PDE10A: variants seen among roughly 807,000 people sequenced by gnomAD.
PDE10A encodes the protein cAMP and cAMP-inhibited cGMP 3',5'-cyclic phosphodiesterase 10A.
In PDE10A, 39 loss-of-function variants were observed where a neutral mutation model predicts 97.7. The ratio of observed to expected loss-of-function variants is 0.40; its 90% confidence interval spans 0.31 to 0.52. The LOEUF (loss-of-function observed/expected upper bound fraction) is 0.52, where lower values mean the gene tolerates loss of function less well. PDE10A is among the 20% of genes least tolerant of loss of function. The pLI is 0.56. For missense variants in PDE10A, 731 were observed against 1,047.8 expected (o/e 0.70, Z 4.17); for synonymous variants, 371 against 376.8 (o/e 0.98, Z 0.18).
chr6:165,573,912 G>T (rs553080322), intron 1 of PDE10A, among the ~76,000 whole-genome samples: 3 of 152,326 alleles, frequency 2.0e-5, no homozygotes, highest in African/African-American at 7.2e-5. Context: ...GCCCAGTAGG[G>T]ACCCCTGGCT....
At chr6:165,824,336 C>T (rs951968417) in intron 1 of PDE10A, among the ~76,000 whole-genome samples, 1 of 152,112 alleles carries the variant, frequency 6.6e-6, no homozygotes, top group Admixed American at 6.5e-5. Flanking sequence ...AAGTTCAATC[C>T]CCAAATATCA....
intron 1 of PDE10A, among the ~76,000 whole-genome samples, chr6:165,942,193 CG>C (rs1783544942): frequency 6.6e-6 from 1 of 152,104 alleles, no homozygotes; most frequent in South Asian, 2.1e-4. Flanking sequence ...CCAACAGCCA[CG>C]CTGAGCAGCC....
upstream of PDE10A, among the ~76,000 whole-genome samples, chr6:165,664,528 G>A (rs1353104908): frequency 2.0e-5 from 3 of 152,154 alleles, no homozygotes; most frequent in Non-Finnish European, 4.4e-5. Context: ...CACTAGGTCA[G>A]AATCCCTACA....
At chr6:165,656,191 A>AT (rs141913660) in intron 1 of PDE10A, among the ~76,000 whole-genome samples, 2,075 of 150,316 alleles carry the variant, frequency 0.014, 25 homozygotes, top group Non-Finnish European at 0.021. Flanking sequence ...TCCCATTCTG[A>AT]TATCTCTTTT....
rs180925761 is a variant in PDE10A at position 165,399,875 on chromosome 6, G to T, written c.2077-3416C>A. 2.6e-5 allele frequency among the ~76,000 whole-genome samples: 4 copies of T among 152,212 alleles called. No homozygotes were observed. In the East Asian group the frequency reaches 5.8e-4, roughly 22 times the overall value. On this transcript the variant is annotated intron_variant, in intron 13 of 21. Coordinates refer to ENST00000539869, the MANE Select transcript of PDE10A (RefSeq NM_001385079.1). Reference sequence around the variant, plus strand: ...AGTCTCTGCTATTGTTAATAGTGCCGCAATAAACATACATGTGCATGTGTC... The same window carrying T: ...AGTCTCTGCTATTGTTAATAGTGCCTCAATAAACATACATGTGCATGTGTC...
chr6:165,741,690 T>A (rs913178915), intron 1 of PDE10A, among the ~76,000 whole-genome samples: 1 of 152,204 alleles, frequency 6.6e-6, no homozygotes, highest in African/African-American at 2.4e-5. Flanking sequence ...TAGTAAATTT[T>A]AAAATATGCA....
chr6:165,678,740 GT>G (rs1790895226), intron 1 of PDE10A, among the ~76,000 whole-genome samples: 1 of 152,070 alleles, frequency 6.6e-6, no homozygotes. Context: ...GTACTAACAA[GT>G]TTTGTGCATT....
At chr6:165,358,173 C>T (rs1329302865) in intron 18 of PDE10A, among the ~76,000 whole-genome samples, 1 of 152,052 alleles carries the variant, frequency 6.6e-6, no homozygotes, top group East Asian at 1.9e-4. Context: ...TAAAATAATA[C>T]TCCTAAGACT....
intron 13 of PDE10A, among the ~76,000 whole-genome samples, chr6:165,403,815 A>C (rs1387620593): frequency 6.6e-6 from 1 of 152,180 alleles, no homozygotes; most frequent in Non-Finnish European, 1.5e-5. Context: ...TAAGTGAGTC[A>C]GACGTGTGAT....
chr6:165,793,277 A>G (rs2128463981), intron 1 of PDE10A, among the ~76,000 whole-genome samples: 1 of 152,118 alleles, frequency 6.6e-6, no homozygotes, highest in South Asian at 2.1e-4. Flanking sequence ...TTGTATCTTA[A>G]TTGTAAGAAG....
At chr6:165,416,670 C>G (rs1788338135) in intron 11 of PDE10A, among the ~76,000 whole-genome samples, 1 of 152,158 alleles carries the variant, frequency 6.6e-6, no homozygotes, top group Non-Finnish European at 1.5e-5. Context: ...AATTTGCCAA[C>G]ATTCATAAAA....
At chr6:165,730,887 T>C (rs1792417263) in intron 1 of PDE10A, among the ~76,000 whole-genome samples, 2 of 149,146 alleles carry the variant, frequency 1.3e-5, no homozygotes, top group South Asian at 4.2e-4. Context: ...CGACTAAAAA[T>C]ACAAAAAAAT....
chr6:165,403,216 G>C (rs1016711021), intron 13 of PDE10A, among the ~76,000 whole-genome samples: 1 of 152,206 alleles, frequency 6.6e-6, no homozygotes, highest in Non-Finnish European at 1.5e-5. Flanking sequence ...ATGGGTATCA[G>C]CACTGTGTTG....
chr6:165,839,182 C>T (rs1780146516), intron 1 of PDE10A, among the ~76,000 whole-genome samples: 1 of 152,220 alleles, frequency 6.6e-6, no homozygotes, highest in South Asian at 2.1e-4. Flanking sequence ...CCACCTTCCT[C>T]ACAAGGGTGT....
chr6:165,901,724 C>T (rs989546544), intron 1 of PDE10A, among the ~76,000 whole-genome samples: 1 of 152,098 alleles, frequency 6.6e-6, no homozygotes, highest in Non-Finnish European at 1.5e-5. Flanking sequence ...ATCACTTGAA[C>T]TTGGGAGGTG....
intron 1 of PDE10A, among the ~76,000 whole-genome samples, chr6:165,921,127 G>A (rs909568884): frequency 6.6e-6 from 1 of 152,190 alleles, no homozygotes; most frequent in Admixed American, 6.5e-5. Context: ...AGCAGCGTGG[G>A]ATTACGAATT....
At chr6:165,723,448 T>C (rs565341949) in intron 1 of PDE10A, among the ~76,000 whole-genome samples, 16 of 152,312 alleles carry the variant, frequency 1.1e-4, no homozygotes, top group African/African-American at 3.6e-4. Context: ...TGCGGTTTCC[T>C]TGTCCTTGTT....
chr6:165,878,108 A>C (rs1268372671), intron 1 of PDE10A, among the ~76,000 whole-genome samples: 2 of 152,218 alleles, frequency 1.3e-5, no homozygotes, highest in Non-Finnish European at 2.9e-5. Flanking sequence ...TCCACCTTGA[A>C]TTCTAGTTGG....
intron 1 of PDE10A, among the ~76,000 whole-genome samples, chr6:165,945,274 A>T (rs539151225): frequency 4.5e-4 from 69 of 152,336 alleles, no homozygotes; most frequent in African/African-American, 1.6e-3. Context: ...ACTTCAGATG[A>T]TATAACTACA....
Sources: allele counts gnomAD v4.1 joint callset (sites outside exome capture counted in the v4.1 genomes callset), GRCh38; gene constraint gnomAD v4.1.1; transcripts MANE v1.5; gene names NCBI Gene and HGNC (gene_info 2026-07-23, HGNC 2026-07-21).